ITGA4: variants seen among roughly 807,000 people sequenced by gnomAD.
The protein encoded by ITGA4 is integrin subunit alpha 4, also known as integrin alpha-4.
In ITGA4, 63 loss-of-function variants were observed where a neutral mutation model predicts 133.6. That is an observed-to-expected ratio of 0.47 (90% CI 0.38 to 0.58). ITGA4 has a LOEUF of 0.58. ITGA4 is among the 20% of genes least tolerant of loss of function. ITGA4 has a pLI of 0.00. For missense variants in ITGA4, 1,076 were observed against 1,252.7 expected (o/e 0.86, Z 2.13); for synonymous variants, 483 against 438.0 (o/e 1.10, Z -1.28).
At chr2:181,507,076 AG>A (rs1236452705) in intron 15 of ITGA4, among the ~76,000 whole-genome samples, 1 of 152,126 alleles carries the variant, frequency 6.6e-6, no homozygotes, top group Non-Finnish European at 1.5e-5. Flanking sequence ...CCATATGAAA[AG>A]TAGAGTCAAA....
rs761986400 is a variant in ITGA4, at chr2:181,523,507, A to G, written c.2144A>G (p.Tyr715Cys). ...GTACAACTTGACTGCAGTATTGGCTATATATATGTAGATCATCTCTCAAGG... is the reference window on the plus strand; with the variant it reads ...GTACAACTTGACTGCAGTATTGGCTGTATATATGTAGATCATCTCTCAAGG... ...GVVQLDCSIG[Y>C]IYVDHLSRID... The change falls in exon 19 of 28, where the codon TAT becomes TGT. Residue 715 changes from tyrosine (Y) to cysteine (C), a missense_variant. Around this residue, in one of 4 missense-constraint regions of ITGA4, gnomAD observed 365 missense variants for 421.4 expected, o/e 0.87. Transcript: ENST00000397033. This position sits in a 1 kb window ranked among gnomAD's most constrained non-coding sequence, Gnocchi z 4.2. The G allele has an allele frequency of 2.5e-6, 4 of 1,592,358 alleles. No homozygotes were observed. The highest frequency in any genetic ancestry group is 2.7e-5 in the African/African-American group (2 of 74,446).
At chr2:181,504,999 G>A (rs541037464) in intron 15 of ITGA4, among the ~76,000 whole-genome samples, 3 of 151,830 alleles carry the variant, frequency 2.0e-5, no homozygotes, top group South Asian at 4.2e-4. Flanking sequence ...TCCTTCCCGA[G>A]CCCTGCATTA....
At chr2:181,530,828 T>A (rs1686930171) in intron 24 of ITGA4, among the ~76,000 whole-genome samples, 179 bp downstream of exon 24, 1 of 152,108 alleles carries the variant, frequency 6.6e-6, no homozygotes, top group Non-Finnish European at 1.5e-5. Context: ...CCAGGGTCTA[T>A]CCCATATATA....
intron 2 of ITGA4, among the ~76,000 whole-genome samples, chr2:181,460,337 A>G (rs1043185992): frequency 6.6e-6 from 1 of 152,260 alleles, no homozygotes; most frequent in Non-Finnish European, 1.5e-5. Context: ...GAATACAGAT[A>G]TCTTTTATTC....
intron 10 of ITGA4, among the ~76,000 whole-genome samples, chr2:181,489,994 G>A (rs572231899): frequency 6.6e-6 from 1 of 152,270 alleles, no homozygotes. Context: ...CAACTCTAAG[G>A]GGGTGCACGT....
At chr2:181,464,834 A>G (rs563177183) in intron 2 of ITGA4, among the ~76,000 whole-genome samples, 2 of 152,194 alleles carry the variant, frequency 1.3e-5, no homozygotes, top group African/African-American at 4.8e-5. Context: ...AGGGATTTTT[A>G]ATTTTGAGAT....
At chr2:181,463,727 G>A (rs889419769) in intron 2 of ITGA4, among the ~76,000 whole-genome samples, 3 of 152,114 alleles carry the variant, frequency 2.0e-5, no homozygotes, top group African/African-American at 7.2e-5. Context: ...TCAGTTCTAT[G>A]ATCAGTTCCA....
intron 2 of ITGA4, among the ~76,000 whole-genome samples, chr2:181,459,647 CATAA>C (rs1362325587): frequency 1.3e-5 from 2 of 152,176 alleles, no homozygotes; most frequent in African/African-American, 4.8e-5. Flanking sequence ...AGTAGGAATG[CATAA>C]AACATTCACA....
rs1349414034 is a variant in ITGA4 at position 181,457,794 on chromosome 2, C to A, written c.140C>A (p.Pro47His). Residue 47 changes from proline to histidine, a missense_variant, in exon 1 of 28, where the codon CCC becomes CAC. Transcript: ENST00000397033. ...DTESALLYQG[P>H]HNTLFGYSVV... ...GAGAGCGCGCTGCTTTACCAGGGCC[C>A]CCACAACACGCTGTTCGGCTACTCG... The A allele has an allele frequency of 6.2e-7, 1 of 1,613,778 alleles. No homozygotes were observed. The highest frequency in any genetic ancestry group is 2.2e-5 in the East Asian group (1 of 44,858).
intron 10 of ITGA4, among the ~76,000 whole-genome samples, chr2:181,490,483 TCGTG>T (rs1686025669): frequency 1.1e-4 from 10 of 90,578 alleles, no homozygotes; most frequent in Admixed American, 1.1e-3. Context: ...TGAATAGTAT[TCGTG>T]TGTGTGTGTG....
In ITGA4 at chr2:181,525,308, G is replaced by T; in HGVS notation, c.2339+17G>T. 3.7e-6 allele frequency: 5 copies of T among 1,341,806 alleles called. No individual in the cohort carries two copies. Among genetic ancestry groups the T allele is most frequent in the South Asian group, 1.2e-5 (1 of 82,000 alleles). 83.1% of individuals were successfully genotyped at this position (1,341,806 alleles called of 1,614,324 possible). On this transcript the variant is annotated intron_variant, in intron 21 of 27. Coordinates refer to ENST00000397033, the MANE Select transcript of ITGA4 (RefSeq NM_000885.6). ...TGTTCATGGGTAAGTAGACATAAAG[G>T]CTTCCTTTCAAATTTAGAGCTGATT... is the stretch of plus-strand genomic sequence containing the variant.
At position 181,516,970 on chromosome 2, in the gene ITGA4, C is replaced by T. The variant is rs1441327796; in HGVS notation, c.1922+5195C>T. Among the ~76,000 whole-genome samples, 1 of 152,046 alleles carries T rather than the reference C, an allele frequency of 6.6e-6. No individual in the cohort carries two copies. The highest frequency in any genetic ancestry group is 1.5e-5 in the Non-Finnish European group (1 of 67,988). On this transcript the variant is annotated intron_variant, in intron 17 of 27. Coordinates refer to ENST00000397033, the MANE Select transcript of ITGA4 (RefSeq NM_000885.6). This position sits in a 1 kb window ranked among gnomAD's most constrained non-coding sequence, Gnocchi z 4.0. Reference sequence around the variant, plus strand: ...TTTATAAACTAAGACATGCTAATTACTGGTTCAATCTTCCAATTTAAGTTT... The same window carrying T: ...TTTATAAACTAAGACATGCTAATTATTGGTTCAATCTTCCAATTTAAGTTT...
In ITGA4 at chr2:181,496,399, C is replaced by T. The variant is rs79719835; in HGVS notation, c.1540+462C>T. ...GTCATCACACCACTGCATTCCAGCC[C>T]GGGCAATGGAATGAGACCCTGTCTC... On this transcript the variant is annotated intron_variant, in intron 14 of 27. Transcript: ENST00000397033. Among the ~76,000 whole-genome samples the T allele has an allele frequency of 5.0e-3, 759 of 151,824 alleles. 11 individuals carry two copies. The highest frequency in any genetic ancestry group is 0.017 in the African/African-American group (720 of 41,394).
intron 10 of ITGA4, among the ~76,000 whole-genome samples, chr2:181,486,941 A>G (rs896436721): frequency 2.0e-5 from 3 of 152,132 alleles, no homozygotes; most frequent in African/African-American, 7.2e-5. Flanking sequence ...CATCTCCTTA[A>G]TGTCTTCTTG....
At chr2:181,473,370 G>A (rs1312212526) in intron 2 of ITGA4, among the ~76,000 whole-genome samples, 1 of 152,212 alleles carries the variant, frequency 6.6e-6, no homozygotes, top group Non-Finnish European at 1.5e-5. Context: ...ATGATCTGAG[G>A]TGGAACAGTT....
intron 24 of ITGA4, among the ~76,000 whole-genome samples, chr2:181,531,168 C>A (rs936767084): frequency 6.6e-6 from 1 of 151,952 alleles, no homozygotes; most frequent in African/African-American, 2.4e-5. Flanking sequence ...AACAAATGCC[C>A]ACTATTTGCC....
Position 181,523,360 on chromosome 2 carries a change from A to G in ITGA4, c.2074-77A>G. 1.2e-6 allele frequency: 1 copy of G among 818,484 alleles called. No homozygotes were observed. Among genetic ancestry groups the G allele is most frequent in the Non-Finnish European group, 2.1e-6 (1 of 477,760 alleles). The allele number at this position is 818,484 out of a possible 1,614,324, so 50.7% of individuals were successfully genotyped here. ...TACTTCTGGGATGATATTCTTTTCA[A>G]TAACCATCCTTAAACATATGTTACA... On this transcript the variant is annotated intron_variant, in intron 18 of 27. Transcript: ENST00000397033. The surrounding 1 kb of genome is among the most constrained non-coding windows in gnomAD (Gnocchi z 4.2).
intron 9 of ITGA4, 42 bp downstream of exon 9, chr2:181,482,693 T>C: frequency 1.3e-6 from 2 of 1,583,464 alleles, no homozygotes; most frequent in Non-Finnish European, 1.7e-6. Context: ...TATGGAATTA[T>C]GATCAAAACT....
At chr2:181,478,655 A>G in intron 4 of ITGA4, 102 bp from the exon 5 acceptor site, 1 of 476,802 alleles carries the variant, frequency 2.1e-6, no homozygotes. Flanking sequence ...AAAAATACAA[A>G]CTATAGACCT....
Sources: gnomAD v4.1 joint callset for allele counts (sites outside exome capture counted in the v4.1 genomes callset) on GRCh38, gnomAD v4.1.1 for gene constraint, gnomAD v4.1.1 regional missense constraint, Gnocchi (gnomAD v3.1) non-coding constraint, MANE v1.5 for transcripts, NCBI Gene and HGNC (gene_info 2026-07-23, HGNC 2026-07-21) for gene names.